Variants in BACH1 observed in about 807,000 individuals in gnomAD.
The protein encoded by BACH1 is BTB domain and CNC homolog 1.
A neutral mutation model predicts 52.9 loss-of-function variants in BACH1; 35 were observed. That is an observed-to-expected ratio of 0.66 (90% CI 0.51 to 0.88). The LOEUF (loss-of-function observed/expected upper bound fraction) is 0.88. BACH1 is among the 40% of genes least tolerant of loss of function. The pLI, the probability that BACH1 is intolerant of heterozygous loss-of-function variation, is 0.00. For synonymous variants in BACH1, 321 were observed against 319.6 expected, an observed-to-expected ratio of 1.00 and a Z score of -0.05; for missense variants, 808 against 872.6, an observed-to-expected ratio of 0.93 and a Z score of 0.93.
At chr21:29,355,170 GCAGAGTGCTGATTGGTCTGTTTTTA>G (rs1601377228) in intron 2 of BACH1, among the ~76,000 whole-genome samples, 1 of 152,158 alleles carries the variant, frequency 6.6e-6, no homozygotes, top group Non-Finnish European at 1.5e-5. Context: ...GGTCCATTTT[GCAGAGTGCTGATTGGTCTGTTTTTA>G]CAGAGTGCTG....
chr21:29,341,906 C>T (rs1340030551), intron 4 of BACH1, among the ~76,000 whole-genome samples: 2 of 152,278 alleles, frequency 1.3e-5, no homozygotes, highest in Non-Finnish European at 2.9e-5. Flanking sequence ...GCTAACTGTA[C>T]TTTTACTTTT....
At position 29,344,833 on chromosome 21, in the gene BACH1, A is replaced by G. The variant is rs2089152725; in HGVS notation, c.*2000A>G. ...GATTTCCTACCTCAGTGTACACCCA[A>G]CTATTGGTTGTATCAGTTTGTGTAT... is the stretch of plus-strand genomic sequence containing the variant. On this transcript the variant is annotated 3_prime_UTR_variant, in exon 5 of 5. Coordinates refer to ENST00000286800, the MANE Select transcript of BACH1 (RefSeq NM_001186.4). 6.6e-6 allele frequency: 1 copy of G among 152,586 alleles called. No homozygotes were observed. The highest frequency in any genetic ancestry group is 6.5e-5 in the Admixed American group (1 of 15,278). 9.5% of individuals were successfully genotyped at this position (152,586 alleles called of 1,614,324 possible).
At chr21:29,334,066 A>G (rs919070736) in intron 4 of BACH1, among the ~76,000 whole-genome samples, 4 of 152,104 alleles carry the variant, frequency 2.6e-5, no homozygotes, top group Non-Finnish European at 4.4e-5. Context: ...TGCATAAGCC[A>G]GTAACATGAC....
intron 2 of BACH1, among the ~76,000 whole-genome samples, chr21:29,357,490 A>T (rs1489824251): frequency 6.6e-6 from 1 of 152,196 alleles, no homozygotes; most frequent in African/African-American, 2.4e-5. Flanking sequence ...AGCGCCTGGT[A>T]TCTGAGTAGG....
chr21:29,314,169 A>C (rs1040814353), intron 1 of BACH1, among the ~76,000 whole-genome samples: 63 of 152,200 alleles, frequency 4.1e-4, no homozygotes, highest in Admixed American at 1.3e-4. Context: ...TTGTTTCTTA[A>C]GCTCTTTGTA....
chr21:29,329,338 A>C, intron 3 of BACH1, 149 bp from the exon 4 acceptor site: 1 of 483,350 alleles, frequency 2.1e-6, no homozygotes, highest in Non-Finnish European at 3.3e-6. Flanking sequence ...TATCCTTTTG[A>C]GATTGTATAG....
Position 29,327,290 on chromosome 21 carries a change from A to C in BACH1, c.1466A>C (p.Gln489Pro), listed in dbSNP as rs1170585822. The C allele has an allele frequency of 6.2e-7, 1 of 1,614,222 alleles. No individual in the cohort carries two copies. The highest frequency in any genetic ancestry group is 1.7e-5 in the Admixed American group (1 of 60,022). The change falls in exon 3 of 5, where the codon CAA becomes CCA. Residue 489 changes from glutamine (Q) to proline (P), a missense_variant. Coordinates refer to ENST00000286800, the MANE Select transcript of BACH1 (RefSeq NM_001186.4). ...GNDDYVSEPQQEPCPYACVIS... is the reference protein window; with the variant it reads ...GNDDYVSEPQPEPCPYACVIS... ...GATGATTATGTTTCAGAACCCCAGC[A>C]AGAACCTTGCCCATATGCTTGTGTC...
intron 1 of BACH1, among the ~76,000 whole-genome samples, chr21:29,312,839 G>T (rs1400131055): frequency 3.9e-5 from 6 of 152,096 alleles, no homozygotes; most frequent in Non-Finnish European, 1.5e-5. Flanking sequence ...TCCCCAAATA[G>T]ATCTATATTT....
At chr21:29,301,830 G>A (rs1320615230) in intron 1 of BACH1, among the ~76,000 whole-genome samples, 1 of 151,884 alleles carries the variant, frequency 6.6e-6, no homozygotes, top group Non-Finnish European at 1.5e-5. Flanking sequence ...TTAATAAGAC[G>A]ACATATTCAG....
intron 2 of BACH1, among the ~76,000 whole-genome samples, chr21:29,356,633 T>C (rs1312610151): frequency 1.3e-5 from 2 of 152,248 alleles, no homozygotes; most frequent in Admixed American, 1.3e-4. Context: ...TTAGATCCCC[T>C]GTTAGGAAAC....
intron 1 of BACH1, among the ~76,000 whole-genome samples, chr21:29,314,381 A>G (rs2088762473): frequency 6.6e-6 from 1 of 152,214 alleles, no homozygotes; most frequent in Non-Finnish European, 1.5e-5. Context: ...TAACTTTAAC[A>G]AACTTCCCTA....
chr21:29,329,232 T>C (rs1247146176), intron 3 of BACH1, among the ~76,000 whole-genome samples: 1 of 152,110 alleles, frequency 6.6e-6, no homozygotes, highest in Middle Eastern at 3.2e-3. Context: ...CGCTTGAGCC[T>C]AGGAGGTTGA....
chr21:29,340,123 CTG>C (rs1442759851), intron 4 of BACH1, among the ~76,000 whole-genome samples: 1 of 152,184 alleles, frequency 6.6e-6, no homozygotes, highest in Non-Finnish European at 1.5e-5. Flanking sequence ...CCACTCATGA[CTG>C]TAAGTAGTGA....
chr21:29,324,850 G>C (rs921627131), intron 2 of BACH1, among the ~76,000 whole-genome samples: 1 of 152,092 alleles, frequency 6.6e-6, no homozygotes, highest in Non-Finnish European at 1.5e-5. Flanking sequence ...TAGTTTATCG[G>C]CATTCTCATT....
chr21:29,334,149 A>G (rs379592), intron 4 of BACH1, among the ~76,000 whole-genome samples: 80,512 of 150,820 alleles, frequency 0.53, 21,874 homozygotes, highest in South Asian at 0.63. Flanking sequence ...CTTTTCGCCC[A>G]GGCTGGAGGT....
rs916861704 is a variant in BACH1, at chr21:29,329,494, T to C, written c.1577T>C (p.Leu526Pro). Reference sequence around the variant, plus strand: ...ATTTATTTCATATTCTAGGTAAAACTGCCATTCAATGCACAACGGATAATT... The same window carrying C: ...ATTTATTTCATATTCTAGGTAAAACCGCCATTCAATGCACAACGGATAATT... Reference protein sequence around the residue: ...SAREQECEVKLPFNAQRIISL... With the variant: ...SAREQECEVKPPFNAQRIISL... The change falls in exon 4 of 5, where the codon CTG becomes CCG. Residue 526 changes from leucine to proline, a missense_variant. Transcript: ENST00000286800. 2 of 1,552,798 alleles carry C rather than the reference T, an allele frequency of 1.3e-6. No individual in the cohort carries two copies. Among genetic ancestry groups the C allele is most frequent in the Non-Finnish European group, 1.7e-6 (2 of 1,153,234 alleles).
Position 29,326,475 on chromosome 21 carries a change from T to C in BACH1, c.651T>C (p.Ala217=). The change falls in exon 3 of 5, where the codon GCT becomes GCC. Residue 217 remains alanine (A), a synonymous_variant. Coordinates refer to ENST00000286800, the MANE Select transcript of BACH1 (RefSeq NM_001186.4). ...CCATGTGCTTAGAGAAGGATGCTGC[T>C]CTGGCCTTGCCTTCTTTATGCCCCA... ...YESMCLEKDA[A]LALPSLCPKY... 18 of 1,614,212 alleles carry C rather than the reference T, an allele frequency of 1.1e-5. No homozygotes were observed. Among genetic ancestry groups the C allele is most frequent in the Non-Finnish European group, 1.4e-5 (17 of 1,180,032 alleles).
chr21:29,309,879 G>C (rs1051136870), intron 1 of BACH1, among the ~76,000 whole-genome samples: 1 of 152,088 alleles, frequency 6.6e-6, no homozygotes, highest in Non-Finnish European at 1.5e-5. Context: ...AGAGGGCTTC[G>C]TGAGACAGAT....
At chr21:29,339,640 T>G (rs994865080) in intron 4 of BACH1, among the ~76,000 whole-genome samples, 3 of 148,098 alleles carry the variant, frequency 2.0e-5, no homozygotes, top group Non-Finnish European at 4.5e-5. Flanking sequence ...TTTTTTTTTT[T>G]TTTTTTTTTT....
Sources: allele counts gnomAD v4.1 joint callset (sites outside exome capture counted in the v4.1 genomes callset), GRCh38; gene constraint gnomAD v4.1.1; transcripts MANE v1.5; gene names NCBI Gene and HGNC (gene_info 2026-07-23, HGNC 2026-07-21).